Variants in B9D1 observed in about 807,000 individuals in gnomAD.
The protein encoded by B9D1 is B9 domain-containing protein 1.
B9D1 carries 20 observed loss-of-function variants against 26.1 expected under a neutral mutation model. The observed-to-expected ratio is 0.77, with a 90% CI of 0.54 to 1.12. B9D1 has a LOEUF of 1.12. Among genes scored for constraint, B9D1 ranks in the 50% most tolerant of loss-of-function variants. The probability of loss-of-function intolerance (pLI) is 0.00; values close to 1 mark genes in which losing one functional copy is unlikely to be tolerated. For missense variants in B9D1, 260 were observed against 273.7 expected (o/e 0.95, Z 0.35); for synonymous variants, 105 against 103.1 (o/e 1.02, Z -0.11).
intron 5 of B9D1, among the ~76,000 whole-genome samples, chr17:19,346,677 T>G (rs1908839846): frequency 6.6e-6 from 1 of 152,190 alleles, no homozygotes; most frequent in Non-Finnish European, 1.5e-5. Context: ...TCCTGGCCCC[T>G]GCCTGCCTCC....
Position 19,370,090 on chromosome 17 carries a change from C to A in B9D1, c.-298+7769G>T, listed in dbSNP as rs1056370343. Among the ~76,000 whole-genome samples, 1 of 152,230 alleles carries A rather than the reference C, an allele frequency of 6.6e-6. No homozygotes were observed. The highest frequency in any genetic ancestry group is 2.4e-5 in the African/African-American group (1 of 41,454). On this transcript the variant is annotated intron_variant, in intron 1 of 5. Coordinates refer to the B9D1 transcript ENST00000477478. The surrounding 1 kb of genome is among the most constrained non-coding windows in gnomAD (Gnocchi z 5.1). ...GCTAGAGTTGTCACCACACCCTGGA[C>A]TCAGAGAACTTGGGTACTTCACCGA... is the stretch of plus-strand genomic sequence containing the variant.
At chr17:19,357,457 G>A (rs1035098121) in intron 3 of B9D1, 1 of 337,018 alleles carries the variant, frequency 3.0e-6, no homozygotes. Flanking sequence ...TAGCACAGGA[G>A]GAGAAAGTGC....
At position 19,360,473 on chromosome 17, in the gene B9D1, T is replaced by C. The variant is rs1438422593; in HGVS notation, c.64-85A>G. ...CTAGGCAGGTGCAGCCAAGGGGAAT[T>C]CTGAACGTGAGACACCTGGGAGTGG... is the stretch of plus-strand genomic sequence containing the variant. On this transcript the variant is annotated intron_variant, in intron 1 of 6. Transcript: ENST00000261499. The C allele has an allele frequency of 2.4e-6, 3 of 1,237,670 alleles. No homozygotes were observed. The African/African-American group carries it at 4.4e-5, about 18-fold the overall frequency. The allele number at this position is 1,237,670 out of a possible 1,614,324, so 76.7% of individuals were successfully genotyped here.
chr17:19,335,174 T>TA (rs140366250), downstream of B9D1: 5,724 of 336,358 alleles, frequency 0.017, no homozygotes, highest in Middle Eastern at 0.023. Context: ...GATGTTTATT[T>TA]AAAAAAAAAA....
intron 5 of B9D1, chr17:19,346,881 CAG>C: frequency 4.3e-6 from 6 of 1,409,284 alleles, no homozygotes; most frequent in Non-Finnish European, 5.5e-6. Context: ...CAGCTCCGGC[CAG>C]AGACTCCCAC....
chr17:19,363,285 G>C (rs564495084), upstream of B9D1, among the ~76,000 whole-genome samples: 2 of 152,336 alleles, frequency 1.3e-5, no homozygotes, highest in South Asian at 4.1e-4. Context: ...TCTTTAGTTC[G>C]AAGCTGGGGA....
downstream of B9D1, among the ~76,000 whole-genome samples, chr17:19,338,636 G>A (rs1399177955): frequency 6.6e-6 from 1 of 152,220 alleles, no homozygotes; most frequent in African/African-American, 2.4e-5. Flanking sequence ...ATAAATGCCT[G>A]CACATGGAGC....
upstream of B9D1, among the ~76,000 whole-genome samples, chr17:19,367,682 C>G (rs1239709231): frequency 1.3e-5 from 2 of 152,210 alleles, no homozygotes; most frequent in Non-Finnish European, 1.5e-5. Context: ...AATGTTGTTC[C>G]TTTGTTCTAG....
upstream of B9D1, among the ~76,000 whole-genome samples, chr17:19,364,911 G>A (rs1911505891): frequency 6.6e-6 from 1 of 152,238 alleles, no homozygotes; most frequent in African/African-American, 2.4e-5. This position sits in a 1 kb window ranked among gnomAD's most constrained non-coding sequence, Gnocchi z 4.3. Context: ...GCAGGTGTCA[G>A]CGCCAGCCCT....
intron 3 of B9D1, among the ~76,000 whole-genome samples, chr17:19,356,176 C>T (rs899494215): frequency 3.3e-5 from 5 of 152,032 alleles, no homozygotes; most frequent in African/African-American, 1.2e-4. Context: ...ACTGCAGCCT[C>T]GACCTCCTAG....
intron 3 of B9D1, among the ~76,000 whole-genome samples, chr17:19,355,045 A>C (rs1297355606): frequency 6.6e-6 from 1 of 152,024 alleles, no homozygotes; most frequent in Admixed American, 6.5e-5. Flanking sequence ...CCAGGATTCC[A>C]ATTCCATATG....
intron 3 of B9D1, among the ~76,000 whole-genome samples, chr17:19,351,896 A>C (rs879825400): frequency 6.6e-6 from 1 of 151,426 alleles, no homozygotes; most frequent in Non-Finnish European, 1.5e-5. Context: ...TCTTCTTATT[A>C]TTTTTTAGAG....
intron 5 of B9D1, among the ~76,000 whole-genome samples, chr17:19,345,813 A>G (rs1018498116): frequency 6.6e-6 from 1 of 152,012 alleles, no homozygotes; most frequent in African/African-American, 2.4e-5. Flanking sequence ...CCAGCGCTGG[A>G]GGATGTGGGG....
chr17:19,337,773 G>A, downstream of B9D1: 1 of 1,504,050 alleles, frequency 6.6e-7, no homozygotes, highest in Non-Finnish European at 8.9e-7. Context: ...ATGGACAAGG[G>A]TCAAGCATAG....
chr17:19,344,606 G>C (rs552854747), intron 5 of B9D1: 2 of 209,478 alleles, frequency 9.5e-6, no homozygotes, highest in Admixed American at 1.3e-4. Flanking sequence ...ACTCGCGGCC[G>C]CGCCTCCTCT....
At chr17:19,345,926 C>A (rs2152257976) in intron 5 of B9D1, among the ~76,000 whole-genome samples, 1 of 152,364 alleles carries the variant, frequency 6.6e-6, no homozygotes, top group South Asian at 2.1e-4. Flanking sequence ...CTAATCAGAA[C>A]TTTCTCCAGT....
chr17:19,364,056 C>T (rs927936566), upstream of B9D1, among the ~76,000 whole-genome samples: 4 of 152,236 alleles, frequency 2.6e-5, no homozygotes, highest in Non-Finnish European at 5.9e-5. The surrounding 1 kb of genome is among the most constrained non-coding windows in gnomAD (Gnocchi z 4.3). Flanking sequence ...CCCACACATT[C>T]TATCAGTCTC....
At chr17:19,340,306 G>A (rs1907817829), downstream of B9D1, among the ~76,000 whole-genome samples, 3 of 152,046 alleles carry the variant, frequency 2.0e-5, no homozygotes, top group Non-Finnish European at 2.9e-5. Flanking sequence ...GAGTAGCTGG[G>A]ATTACAGGCG....
At chr17:19,376,897 A>G (rs1229200446) in intron 1 of B9D1, among the ~76,000 whole-genome samples, 1 of 152,200 alleles carries the variant, frequency 6.6e-6, no homozygotes, top group East Asian at 1.9e-4. Flanking sequence ...ATTCCTTTCT[A>G]TAGATAATAA....
Sources: gnomAD v4.1 joint callset for allele counts (sites outside exome capture counted in the v4.1 genomes callset) on GRCh38, gnomAD v4.1.1 for gene constraint, Gnocchi (gnomAD v3.1) non-coding constraint, MANE v1.5 for transcripts, NCBI Gene and HGNC (gene_info 2026-07-23, HGNC 2026-07-21) for gene names.